CCDC148: variants seen among roughly 807,000 people sequenced by gnomAD.
CCDC148 encodes the protein coiled-coil domain-containing protein 148.
A neutral mutation model predicts 85.7 loss-of-function variants in CCDC148; 89 were observed. That is an observed-to-expected ratio of 1.04 (90% CI 0.87 to 1.24). CCDC148 has a LOEUF of 1.24. CCDC148 is among the 50% of genes most tolerant of loss of function. The probability of loss-of-function intolerance (pLI) is 0.00; values close to 1 mark genes in which losing one functional copy is unlikely to be tolerated. For synonymous variants in CCDC148, 230 were observed against 213.9 expected (o/e 1.08, Z -0.66); for missense variants, 692 against 671.7 (o/e 1.03, Z -0.33).
At chr2:158,263,756 C>A (rs1689338020) in intron 9 of CCDC148, among the ~76,000 whole-genome samples, 1 of 151,940 alleles carries the variant, frequency 6.6e-6, no homozygotes, top group South Asian at 2.1e-4. Flanking sequence ...ATTTACCTAA[C>A]AAGGCATTTG....
intron 1 of CCDC148, among the ~76,000 whole-genome samples, chr2:158,401,035 A>AAAAAGTCAGG (rs1204604546): frequency 1.3e-5 from 2 of 152,204 alleles, no homozygotes; most frequent in African/African-American, 4.8e-5. Flanking sequence ...GGCAATCATT[A>AAAAAGTCAGG]AAAAGTCAGG....
At chr2:158,193,145 A>G (rs1558970468) in intron 11 of CCDC148, among the ~76,000 whole-genome samples, 1 of 152,084 alleles carries the variant, frequency 6.6e-6, no homozygotes, top group Non-Finnish European at 1.5e-5. Context: ...AGACTAACAC[A>G]TCAACAAATC....
intron 11 of CCDC148, among the ~76,000 whole-genome samples, chr2:158,219,242 T>C (rs1283583857): frequency 6.6e-6 from 1 of 152,158 alleles, no homozygotes; most frequent in Non-Finnish European, 1.5e-5. Flanking sequence ...TTAGAGGAAA[T>C]TTACTATGAT....
At chr2:158,403,687 AACACAC>A (rs146802561) in intron 1 of CCDC148, among the ~76,000 whole-genome samples, 3 of 138,824 alleles carry the variant, frequency 2.2e-5, no homozygotes, top group African/African-American at 7.5e-5. Flanking sequence ...TCCTGTCTCA[AACACAC>A]ACACACACAC....
At chr2:158,433,074 CAAAA>C (rs755383954) in intron 1 of CCDC148, among the ~76,000 whole-genome samples, 16 of 74,004 alleles carry the variant, frequency 2.2e-4, no homozygotes, top group East Asian at 1.1e-3. Flanking sequence ...CTCATCTCTA[CAAAA>C]AAAAAAAAAA....
At chr2:158,198,456 A>G (rs1387564387) in intron 11 of CCDC148, among the ~76,000 whole-genome samples, 1 of 152,206 alleles carries the variant, frequency 6.6e-6, no homozygotes, top group East Asian at 1.9e-4. Flanking sequence ...GCACCTTTGA[A>G]GTTGAAGTTG....
At chr2:158,423,085 C>T (rs550288711) in intron 1 of CCDC148, among the ~76,000 whole-genome samples, 8 of 151,912 alleles carry the variant, frequency 5.3e-5, no homozygotes, top group Non-Finnish European at 1.2e-4. Flanking sequence ...AAAAGAGGAC[C>T]GAAACAAATG....
chr2:158,286,555 T>C (rs968748800), intron 9 of CCDC148, among the ~76,000 whole-genome samples: 1 of 152,190 alleles, frequency 6.6e-6, no homozygotes, highest in Non-Finnish European at 1.5e-5. Flanking sequence ...AAGACACTTA[T>C]GAAGAAGAAC....
At chr2:158,268,803 T>C (rs1169648935) in intron 9 of CCDC148, among the ~76,000 whole-genome samples, 5 of 152,212 alleles carry the variant, frequency 3.3e-5, no homozygotes, top group African/African-American at 1.2e-4. Flanking sequence ...TCAACATTTT[T>C]AGATTCCACA....
At chr2:158,393,665 G>C (rs751149852) in intron 1 of CCDC148, among the ~76,000 whole-genome samples, 3 of 152,094 alleles carry the variant, frequency 2.0e-5, no homozygotes, top group African/African-American at 7.2e-5. Flanking sequence ...CAAGAACACC[G>C]ATGGCTTCAA....
chr2:158,218,583 T>A (rs1218706170), intron 11 of CCDC148, among the ~76,000 whole-genome samples: 1 of 152,226 alleles, frequency 6.6e-6, no homozygotes, highest in Non-Finnish European at 1.5e-5. Context: ...AGTGGAAGCC[T>A]GTATCCTAAT....
chr2:158,217,370 G>GTATATATATATATATATATA (rs1453254522), intron 11 of CCDC148, among the ~76,000 whole-genome samples: 54 of 75,498 alleles, frequency 7.2e-4, no homozygotes, highest in African/African-American at 1.6e-3. Flanking sequence ...TTTTGTGTGT[G>GTATATATATATATATATATA]TGTGTATATA....
rs1683776892 is a variant in CCDC148 at position 158,358,542 on chromosome 2, C to T, written c.54G>A (p.Glu18=). The T allele has an allele frequency of 1.9e-6, 3 of 1,590,002 alleles. No homozygotes were observed. Among genetic ancestry groups the T allele is most frequent in the South Asian group, 1.1e-5 (1 of 87,542 alleles). ...CTGGTTTGTACTTGATGTTTCTCAT[C>T]TCATTTTTCATATGGAATACCAGAT... is the stretch of plus-strand genomic sequence containing the variant. ...PDNLVFHMKN[E]MRNIKYKPVD... Residue 18 remains glutamate, a synonymous_variant, in exon 2 of 14, where the codon GAG becomes GAA. Transcript: ENST00000283233.
Position 158,338,747 on chromosome 2 carries a change from A to G in CCDC148, c.743T>C (p.Leu248Pro). The G allele has an allele frequency of 6.2e-7, 1 of 1,607,222 alleles. No individual in the cohort carries two copies. The highest frequency in any genetic ancestry group is 8.5e-7 in the Non-Finnish European group (1 of 1,178,350). The change falls in exon 7 of 14, where the codon CTG (leucine) becomes CCG (proline). Residue 248 changes from leucine (L) to proline (P), a missense_variant. Coordinates refer to ENST00000283233, the MANE Select transcript of CCDC148 (RefSeq NM_138803.4). ...KYQKKLQDFN[L>P]QLEDIYRNCQ... Reference sequence around the variant, plus strand: ...TCACCTGTATATGTCTTCCAACTGCAGATTAAAGTCTTGAAGCTTCTTCTG... The same window carrying G: ...TCACCTGTATATGTCTTCCAACTGCGGATTAAAGTCTTGAAGCTTCTTCTG...
intron 7 of CCDC148, among the ~76,000 whole-genome samples, chr2:158,322,243 T>TA (rs1212578427): frequency 6.6e-6 from 1 of 152,094 alleles, no homozygotes; most frequent in Non-Finnish European, 1.5e-5. Context: ...CAAAATGTGG[T>TA]AAAAATAATT....
intron 12 of CCDC148, 78 bp from the exon 13 acceptor site, chr2:158,176,739 C>T: frequency 2.0e-6 from 3 of 1,504,312 alleles, no homozygotes; most frequent in Non-Finnish European, 2.7e-6. Context: ...ATGTCTAATG[C>T]CCATTAAAGT....
chr2:158,182,199 T>C (rs1215628543), intron 11 of CCDC148, among the ~76,000 whole-genome samples: 1 of 151,956 alleles, frequency 6.6e-6, no homozygotes, highest in Non-Finnish European at 1.5e-5. Context: ...ATGGGGAGTC[T>C]TTACCAGTAG....
chr2:158,347,951 T>G (rs1006600823), intron 2 of CCDC148, among the ~76,000 whole-genome samples: 2 of 152,052 alleles, frequency 1.3e-5, no homozygotes, highest in Non-Finnish European at 2.9e-5. Context: ...ATTTATCGGG[T>G]TGACAAAAAC....
At chr2:158,226,754 A>G (rs1574444061) in intron 10 of CCDC148, among the ~76,000 whole-genome samples, 1 of 152,306 alleles carries the variant, frequency 6.6e-6, no homozygotes, top group East Asian at 1.9e-4. Flanking sequence ...AAAATTCAAC[A>G]GCCCTTCATG....
Sources: allele counts gnomAD v4.1 joint callset (sites outside exome capture counted in the v4.1 genomes callset), GRCh38; gene constraint gnomAD v4.1.1; transcripts MANE v1.5; gene names NCBI Gene and HGNC (gene_info 2026-07-23, HGNC 2026-07-21).